The following P2RY14 variants were observed in gnomAD, a reference collection of about 807,000 sequenced individuals.
P2RY14 encodes the protein purinergic receptor P2Y14, also known as P2Y purinoceptor 14.
In P2RY14, 2 loss-of-function variants were observed where a neutral mutation model predicts 0.9. The observed-to-expected ratio is 2.16, with a 90% CI of 0.88 to 6.79. The LOEUF (loss-of-function observed/expected upper bound fraction) is 6.79. Ranked by LOEUF, P2RY14 falls within the 30% of genes most tolerant of loss-of-function variation. P2RY14 has a pLI of 0.05. For synonymous variants in P2RY14, 158 were observed against 147.2 expected (o/e 1.07, Z -0.53); for missense variants, 378 against 400.1 (o/e 0.94, Z 0.47).
chr3:151,268,177 A>C (rs2149533151), intron 1 of P2RY14, among the ~76,000 whole-genome samples: 1 of 152,212 alleles, frequency 6.6e-6, no homozygotes, highest in African/African-American at 2.4e-5. Context: ...AAGCTACCTA[A>C]ATCCTATAAA....
At chr3:151,214,719 T>G (rs1727860708) in intron 2 of P2RY14, among the ~76,000 whole-genome samples, 1 of 152,242 alleles carries the variant, frequency 6.6e-6, no homozygotes, top group East Asian at 1.9e-4. Context: ...TGAGAACTTC[T>G]AGGTAATACG....
chr3:151,214,092 A>C lies in P2RY14; in HGVS notation c.225T>G (p.Pro75=), dbSNP rs756789856. ...IADFVMSLTF[P]FKILGDSGLG... Reference sequence around the variant, plus strand: ...GGCCTGAGTCACCAAGGATCTTGAAAGGAAAAGTCAGGCTCATCACAAAGT... The same window carrying C: ...GGCCTGAGTCACCAAGGATCTTGAACGGAAAAGTCAGGCTCATCACAAAGT... Residue 75 remains proline, a synonymous_variant, in exon 3 of 3, where the codon CCT becomes CCG. Transcript: ENST00000309170. 1 of 1,614,164 alleles carries C rather than the reference A, an allele frequency of 6.2e-7. No individual in the cohort carries two copies. The highest frequency in any genetic ancestry group is 1.1e-5 in the South Asian group (1 of 91,086).
chr3:151,243,651 G>A (rs1327465855), intron 1 of P2RY14, among the ~76,000 whole-genome samples: 2 of 151,508 alleles, frequency 1.3e-5, no homozygotes, highest in South Asian at 2.1e-4. Context: ...GGTACCAGCC[G>A]CTGCAAAATC....
chr3:151,233,681 C>G (rs969707012), intron 1 of P2RY14, among the ~76,000 whole-genome samples: 1 of 152,180 alleles, frequency 6.6e-6, no homozygotes, highest in African/African-American at 2.4e-5. Context: ...TGTGGTGAGC[C>G]GAGATCGTGC....
intron 1 of P2RY14, among the ~76,000 whole-genome samples, chr3:151,229,501 C>A (rs868489893): frequency 1.9e-5 from 2 of 104,798 alleles, no homozygotes; most frequent in African/African-American, 3.7e-5. Context: ...TTTTTTGAGA[C>A]GGAGTCTCAC....
At chr3:151,272,330 CAAAT>C in intron 1 of P2RY14, among the ~76,000 whole-genome samples, 1 of 152,274 alleles carries the variant, frequency 6.6e-6, no homozygotes, top group East Asian at 1.9e-4. Flanking sequence ...TGTTTTTGGA[CAAAT>C]AAACATAAAT....
chr3:151,235,558 G>T (rs929111510), intron 1 of P2RY14, among the ~76,000 whole-genome samples: 8 of 152,114 alleles, frequency 5.3e-5, no homozygotes, highest in African/African-American at 1.9e-4. Context: ...ACAAAAATTA[G>T]CTGGGCGTGC....
At chr3:151,220,733 CT>C (rs1729177976) in intron 1 of P2RY14, among the ~76,000 whole-genome samples, 2 of 152,204 alleles carry the variant, frequency 1.3e-5, no homozygotes, top group South Asian at 4.1e-4. Context: ...CCATGTGGAA[CT>C]GTAAGTCCAG....
At chr3:151,220,085 T>C (rs370935205) in intron 1 of P2RY14, among the ~76,000 whole-genome samples, 1 of 148,744 alleles carries the variant, frequency 6.7e-6, no homozygotes, top group African/African-American at 2.5e-5. Flanking sequence ...TCCTATGCAT[T>C]GTAAGATGTT....
At chr3:151,217,520 G>A (rs1728478907) in intron 2 of P2RY14, among the ~76,000 whole-genome samples, 1 of 152,214 alleles carries the variant, frequency 6.6e-6, no homozygotes, top group African/African-American at 2.4e-5. Context: ...TGGAGTGAAT[G>A]CACACAGCTT....
At chr3:151,223,175 C>CAAAAAAAAAA (rs10646837) in intron 1 of P2RY14, among the ~76,000 whole-genome samples, 1 of 127,124 alleles carries the variant, frequency 7.9e-6, no homozygotes. Context: ...TTAAAAAGTC[C>CAAAAAAAAAA]AAAAAAAAAA....
chr3:151,260,908 C>T (rs915863412), intron 1 of P2RY14, among the ~76,000 whole-genome samples: 4 of 152,112 alleles, frequency 2.6e-5, no homozygotes, highest in African/African-American at 4.8e-5. Context: ...ATCTTGACGG[C>T]GTCACATCCA....
chr3:151,248,569 C>A (rs1736214047), intron 1 of P2RY14, among the ~76,000 whole-genome samples: 2 of 152,058 alleles, frequency 1.3e-5, no homozygotes, highest in South Asian at 2.1e-4. Context: ...ACCCACATAC[C>A]CATCCGACTG....
At position 151,265,225 on chromosome 3, in the gene P2RY14, A is replaced by G. The variant is rs144604884; in HGVS notation, c.-133+13062T>C. The stretch of plus-strand genomic sequence containing the variant: ...CGGAATAAACAAAGGGGAGCTACTC[A>G]TAGAATATAATGTACGATGCTCTAT... On this transcript the variant is annotated intron_variant, in intron 1 of 2. Coordinates refer to ENST00000309170, the MANE Select transcript of P2RY14 (RefSeq NM_014879.4). 5.1e-3 allele frequency among the ~76,000 whole-genome samples: 772 copies of G among 152,346 alleles called. 12 individuals are homozygous for G. The highest frequency in any genetic ancestry group is 0.017 in the African/African-American group (720 of 41,586).
intron 1 of P2RY14, among the ~76,000 whole-genome samples, chr3:151,248,260 T>A (rs1736138923): frequency 6.6e-6 from 1 of 152,120 alleles, no homozygotes; most frequent in African/African-American, 2.4e-5. Context: ...GAGACCTATT[T>A]AATTCCTATT....
intron 1 of P2RY14, among the ~76,000 whole-genome samples, chr3:151,250,467 C>T (rs1357912849): frequency 1.3e-5 from 2 of 152,168 alleles, no homozygotes; most frequent in African/African-American, 4.8e-5. Flanking sequence ...CTGGTAACTA[C>T]TGTTCTTCTC....
chr3:151,237,625 A>C (rs1306975951), intron 1 of P2RY14, among the ~76,000 whole-genome samples: 3 of 152,100 alleles, frequency 2.0e-5, no homozygotes, highest in African/African-American at 7.2e-5. Context: ...TGCTGGGATT[A>C]CAGGTGTGAG....
At chr3:151,249,744 G>A (rs1736468626) in intron 1 of P2RY14, among the ~76,000 whole-genome samples, 4 of 152,124 alleles carry the variant, frequency 2.6e-5, no homozygotes, top group Middle Eastern at 6.8e-3. Flanking sequence ...TTTCTGTCCT[G>A]GGTTGTTACT....
At chr3:151,244,743 C>A (rs373711255) in intron 1 of P2RY14, among the ~76,000 whole-genome samples, 316 of 151,870 alleles carry the variant, frequency 2.1e-3, no homozygotes, top group Middle Eastern at 6.8e-3. Flanking sequence ...CAAAAGCTAG[C>A]AGAAGGCAAG....
Sources: gnomAD v4.1 joint callset for allele counts (sites outside exome capture counted in the v4.1 genomes callset) on GRCh38, gnomAD v4.1.1 for gene constraint, MANE v1.5 for transcripts, NCBI Gene and HGNC (gene_info 2026-07-23, HGNC 2026-07-21) for gene names.